Variants in PSTPIP1 observed in about 807,000 individuals in gnomAD.
PSTPIP1 encodes the protein proline-serine-threonine phosphatase interacting protein 1.
PSTPIP1 carries 66 observed loss-of-function variants against 69.6 expected under a neutral mutation model. The ratio of observed to expected loss-of-function variants is 0.95; its 90% CI spans 0.78 to 1.16. The LOEUF is 1.16. Ranked by LOEUF, PSTPIP1 falls within the 50% of genes most tolerant of loss-of-function variation. PSTPIP1 has a pLI of 0.00. For missense variants in PSTPIP1, 603 were observed against 557.4 expected (o/e 1.08, Z -0.82); for synonymous variants, 266 against 222.7 (o/e 1.19, Z -1.73).
At chr15:77,017,813 G>A (rs141331888) in intron 1 of PSTPIP1, among the ~76,000 whole-genome samples, 1 of 152,336 alleles carries the variant, frequency 6.6e-6, no homozygotes, top group Non-Finnish European at 1.5e-5. Flanking sequence ...TTTCAGGCCT[G>A]GCTGTCATCA....
chr15:77,025,076 T>C (rs2076247052), intron 3 of PSTPIP1, among the ~76,000 whole-genome samples: 1 of 152,176 alleles, frequency 6.6e-6, no homozygotes. Flanking sequence ...TTGCTTTAAT[T>C]TGCAGAGAGC....
rs1168579351 is a variant in PSTPIP1 at position 77,027,050 on chromosome 15, C to G, written c.355-802C>G. 6.6e-6 allele frequency among the ~76,000 whole-genome samples: 1 copy of G among 152,226 alleles called. No homozygotes were observed. Among genetic ancestry groups the G allele is most frequent in the Admixed American group, 6.5e-5 (1 of 15,286 alleles). On this transcript the variant is annotated intron_variant, in intron 5 of 14. Coordinates refer to ENST00000558012, the MANE Select transcript of PSTPIP1 (RefSeq NM_003978.5). This position sits in a 1 kb window ranked among gnomAD's most constrained non-coding sequence, Gnocchi z 4.3. ...TGCTTACAGGATGGTGCACACGTGCCTACGCTCCCCTGCATATGCCTGTGA... is the reference window on the plus strand; with the variant it reads ...TGCTTACAGGATGGTGCACACGTGCGTACGCTCCCCTGCATATGCCTGTGA...
At chr15:76,997,968 T>C (rs1002727112) in intron 1 of PSTPIP1, among the ~76,000 whole-genome samples, 2 of 151,988 alleles carry the variant, frequency 1.3e-5, no homozygotes, top group African/African-American at 4.8e-5. Context: ...CGGGGTGCAG[T>C]GGTTCACGCC....
chr15:77,023,911 TGA>T (rs1491111246), intron 3 of PSTPIP1: 3 of 152,230 alleles, frequency 2.0e-5, no homozygotes, highest in Non-Finnish European at 4.4e-5. Context: ...CCACTGCTGG[TGA>T]GGAGTCAGAG....
intron 14 of PSTPIP1, among the ~76,000 whole-genome samples, chr15:77,036,140 A>G (rs1187451218): frequency 6.6e-6 from 1 of 152,174 alleles, no homozygotes; most frequent in African/African-American, 2.4e-5. Context: ...GAGCTCTGAG[A>G]ACAGCACCCA....
At chr15:77,005,048 C>G (rs1007742592) in intron 1 of PSTPIP1, among the ~76,000 whole-genome samples, 1 of 152,146 alleles carries the variant, frequency 6.6e-6, no homozygotes, top group Non-Finnish European at 1.5e-5. Context: ...CCATGTGGAA[C>G]TTTAGCTTGA....
chr15:77,026,119 A>C, intron 5 of PSTPIP1: 1 of 456,126 alleles, frequency 2.2e-6, no homozygotes, highest in African/African-American at 2.0e-5. Flanking sequence ...TATGTAGGGC[A>C]TGGCTGTCCC....
intron 11 of PSTPIP1, 35 bp from the exon 12 acceptor site, chr15:77,032,824 TGGG>T: frequency 6.5e-7 from 1 of 1,526,922 alleles, no homozygotes; most frequent in Non-Finnish European, 8.9e-7. Context: ...AATGGGGTGT[TGGG>T]GGCCGCCCTG....
chr15:77,031,594 AG>A (rs1221146121), intron 10 of PSTPIP1: 3 of 291,444 alleles, frequency 1.0e-5, no homozygotes, highest in African/African-American at 2.2e-5. Flanking sequence ...CAGCTGTCAG[AG>A]GTTGGCAGAA....
chr15:77,011,955 G>T (rs1197404624), intron 1 of PSTPIP1, among the ~76,000 whole-genome samples: 1 of 152,092 alleles, frequency 6.6e-6, no homozygotes, highest in Non-Finnish European at 1.5e-5. Context: ...CCAGCCACTA[G>T]TGCTCCCTCT....
At chr15:77,002,210 C>T (rs1003772662) in intron 1 of PSTPIP1, among the ~76,000 whole-genome samples, 5 of 152,202 alleles carry the variant, frequency 3.3e-5, no homozygotes, top group Non-Finnish European at 4.4e-5. Flanking sequence ...TAGGCCCAGA[C>T]GAGGGTCACC....
At chr15:77,036,298 G>A (rs989194055) in intron 14 of PSTPIP1, among the ~76,000 whole-genome samples, 20 of 152,156 alleles carry the variant, frequency 1.3e-4, no homozygotes, top group Non-Finnish European at 1.9e-4. Flanking sequence ...GCACACGTGC[G>A]GGGAGCTGGC....
rs1002825671 is a variant in PSTPIP1 at position 77,037,282 on chromosome 15, C to T, written c.*106C>T. 9.6e-5 allele frequency: 136 copies of T among 1,411,962 alleles called. No homozygotes were observed. In the Middle Eastern group the frequency reaches 1.3e-3, roughly 13 times the overall value. The allele number at this position is 1,411,962 out of a possible 1,614,324, so 87.5% of individuals were successfully genotyped here. A position where few individuals can be genotyped will look rare whatever the true frequency, so the allele number is the denominator to read the frequency against. ...CCCAGAACCAAGCGTCCCCCAGCCC[C>T]GAGAGGGAGCCTGTCGTCTCCCAGG... is the stretch of plus-strand genomic sequence containing the variant. On this transcript the variant is annotated 3_prime_UTR_variant, in exon 15 of 15. Coordinates refer to ENST00000558012, the MANE Select transcript of PSTPIP1 (RefSeq NM_003978.5).
chr15:77,013,929 C>T (rs371810097), intron 1 of PSTPIP1, among the ~76,000 whole-genome samples: 9 of 152,010 alleles, frequency 5.9e-5, no homozygotes, highest in South Asian at 2.1e-4. Flanking sequence ...GTGTGTAGGG[C>T]GAGAGGGGAG....
intron 1 of PSTPIP1, among the ~76,000 whole-genome samples, chr15:77,015,335 C>T (rs988626042): frequency 2.0e-5 from 3 of 152,144 alleles, no homozygotes; most frequent in African/African-American, 7.2e-5. Context: ...CATTGAGTGG[C>T]TTTGGGCAGT....
At chr15:77,025,129 C>G (rs992458987) in intron 3 of PSTPIP1, among the ~76,000 whole-genome samples, 155 bp from the exon 4 acceptor site, 1 of 152,142 alleles carries the variant, frequency 6.6e-6, no homozygotes, top group Non-Finnish European at 1.5e-5. Context: ...TGGATGGTCA[C>G]CATCTGGCTA....
intron 3 of PSTPIP1, among the ~76,000 whole-genome samples, chr15:77,019,071 C>T (rs976862684): frequency 6.6e-6 from 1 of 152,182 alleles, no homozygotes; most frequent in African/African-American, 2.4e-5. Context: ...AGAAGTGGGC[C>T]CATGGGCTTA....
intron 3 of PSTPIP1, among the ~76,000 whole-genome samples, chr15:77,020,750 C>A (rs1811397320): frequency 6.6e-6 from 1 of 152,156 alleles, no homozygotes; most frequent in Non-Finnish European, 1.5e-5. Context: ...CCTTGCCTTG[C>A]CTTACTGTCA....
intron 3 of PSTPIP1, among the ~76,000 whole-genome samples, chr15:77,019,806 G>A (rs2076126623): frequency 6.6e-6 from 1 of 152,230 alleles, no homozygotes; most frequent in South Asian, 2.1e-4. Context: ...GGAGTGAATG[G>A]ACGTATGCAG....
Sources: gnomAD v4.1 joint callset for allele counts (sites outside exome capture counted in the v4.1 genomes callset) on GRCh38, gnomAD v4.1.1 for gene constraint, Gnocchi (gnomAD v3.1) non-coding constraint, MANE v1.5 for transcripts, NCBI Gene and HGNC (gene_info 2026-07-23, HGNC 2026-07-21) for gene names.